ERCC5: variants seen among roughly 807,000 people sequenced by gnomAD.
ERCC5 encodes the protein DNA excision repair protein ERCC-5.
ERCC5 carries 68 observed loss-of-function variants against 105.6 expected under a neutral mutation model. The observed-to-expected ratio is 0.64, with a 90% confidence interval of 0.53 to 0.79. The LOEUF is 0.79. ERCC5 is among the 30% of genes least tolerant of loss of function. The pLI is 0.00. For synonymous variants in ERCC5, 546 were observed against 526.2 expected, an observed-to-expected ratio of 1.04 and a Z score of -0.51; for missense variants, 1,373 against 1,426.7, an observed-to-expected ratio of 0.96 and a Z score of 0.61.
intron 1 of ERCC5, chr13:102,849,315 T>C (rs1882105943): frequency 1.9e-6 from 1 of 518,836 alleles, no homozygotes; most frequent in African/African-American, 1.9e-5. Context: ...TTCATCAAAG[T>C]TATCCTTAAA....
Position 102,861,590 on chromosome 13 carries a change from G to A in ERCC5, c.756G>A (p.Lys252=). The A allele has an allele frequency of 1.2e-6, 2 of 1,614,100 alleles. No homozygotes were observed. The highest frequency in any genetic ancestry group is 1.7e-6 in the Non-Finnish European group (2 of 1,180,006). ...ACCAGCATATAGAACATGTCCAAAA[G>A]GAAATGAATCAGCAACATTCAGGAC... ...YLNQHIEHVQ[K]EMNQQHSGHI... Residue 252 remains lysine, a synonymous_variant, in exon 7 of 15, where the codon AAG becomes AAA. Transcript: ENST00000652225.
chr13:102,868,831 C>T (rs946138613), intron 12 of ERCC5, among the ~76,000 whole-genome samples: 6 of 152,224 alleles, frequency 3.9e-5, no homozygotes, highest in African/African-American at 1.4e-4. Flanking sequence ...TCGTGCTATA[C>T]TCGGGGTACA....
chr13:102,867,959 A>G (rs1882898839), intron 11 of ERCC5, among the ~76,000 whole-genome samples, 154 bp from the exon 12 acceptor site: 1 of 152,264 alleles, frequency 6.6e-6, no homozygotes, highest in Non-Finnish European at 1.5e-5. Context: ...ACAGAATGCC[A>G]TTGAATAAAA....
chr13:102,866,451 G>A (rs545704676), intron 10 of ERCC5, 70 bp downstream of exon 10: 2 of 1,613,250 alleles, frequency 1.2e-6, no homozygotes, highest in Non-Finnish European at 1.7e-6. Flanking sequence ...CTGCATGAAG[G>A]GGGTATGCAC....
Position 102,853,768 on chromosome 13 carries a change from G to C in ERCC5, c.276G>C (p.Arg92Ser), listed in dbSNP as rs1161770211. 2 of 1,613,984 alleles carry C rather than the reference G, an allele frequency of 1.2e-6. No homozygotes were observed. The highest frequency in any genetic ancestry group is 2.7e-5 in the African/African-American group (2 of 74,922). The change falls in exon 3 of 15, where the codon AGG (arginine) becomes AGC (serine). Residue 92 changes from arginine to serine, a missense_variant. Coordinates refer to ENST00000652225, the MANE Select transcript of ERCC5 (RefSeq NM_000123.4). ...LLKKQTLVKRRQRKDLASSDS... is the reference protein window; with the variant it reads ...LLKKQTLVKRSQRKDLASSDS... ...CTTTCTTCTCATAGGTGAAGAGAAG[G>C]CAGAGAAAGGACTTAGCGTCCAGTG...
intron 12 of ERCC5, among the ~76,000 whole-genome samples, chr13:102,869,905 A>C (rs1199610030): frequency 6.6e-6 from 1 of 152,176 alleles, no homozygotes. Context: ...TTTGTTCAGC[A>C]GTTTTTGCTC....
chr13:102,850,823 C>T (rs1882173435), intron 1 of ERCC5, among the ~76,000 whole-genome samples: 1 of 151,900 alleles, frequency 6.6e-6, no homozygotes, highest in South Asian at 2.1e-4. Context: ...GGAGTCAGGG[C>T]GTGGTGTATG....
intron 6 of ERCC5, among the ~76,000 whole-genome samples, chr13:102,860,361 C>T (rs745803605): frequency 2.0e-5 from 3 of 152,120 alleles, no homozygotes; most frequent in East Asian, 1.9e-4. Context: ...GTTTTGCTGC[C>T]GTACCATAAA....
chr13:102,846,186 G>T lies in ERCC5; in HGVS notation c.-81G>T. 1 of 1,190,548 alleles carries T rather than the reference G, an allele frequency of 8.4e-7. No homozygotes were observed. 73.7% of individuals were successfully genotyped at this position (1,190,548 alleles called of 1,614,324 possible). ...AGGAGCAGGGAGGGCTTCCTCCCGG[G>T]GTCCTAGGCGGCGGTGCAGTCCGTC... On this transcript the variant is annotated 5_prime_UTR_variant, in exon 1 of 15. Transcript: ENST00000652225.
chr13:102,856,818 G>A (rs1046498762), intron 5 of ERCC5, among the ~76,000 whole-genome samples: 1 of 152,208 alleles, frequency 6.6e-6, no homozygotes, highest in Admixed American at 6.5e-5. Flanking sequence ...GCCTCTCCAC[G>A]TGGCCTGGGC....
rs4150386 is a variant in ERCC5, at chr13:102,875,178, A to C, written c.2965-129A>C. The C allele has an allele frequency of 0.11, 114,108 of 1,077,046 alleles. 6,935 individuals are homozygous for C. Among genetic ancestry groups the C allele is most frequent in the Non-Finnish European group, 0.12 (93,036 of 753,138 alleles). 66.7% of individuals were successfully genotyped at this position (1,077,046 alleles called of 1,614,324 possible). A position where few individuals can be genotyped will look rare whatever the true frequency, so the allele number is the denominator to read the frequency against. On this transcript the variant is annotated intron_variant, in intron 14 of 14. Coordinates refer to ENST00000652225, the MANE Select transcript of ERCC5 (RefSeq NM_000123.4). ...CACTGGGAGAGAACTGGGTTTTGGG[A>C]GATAATGAATTAATATTCTCTGACA...
intron 6 of ERCC5, among the ~76,000 whole-genome samples, chr13:102,860,728 G>T (rs112717020): frequency 0.032 from 4,804 of 152,140 alleles, 256 homozygotes; most frequent in African/African-American, 0.11. Context: ...ATAAAATGAG[G>T]TATTATATGT....
chr13:102,849,934 T>C (rs1595375333), intron 1 of ERCC5, among the ~76,000 whole-genome samples: 1 of 82,918 alleles, frequency 1.2e-5, no homozygotes, highest in African/African-American at 5.3e-5. Flanking sequence ...TTTCTCTCTG[T>C]TTTTTTTTTC....
Position 102,862,589 on chromosome 13 carries a change from C to T in ERCC5, c.1440C>T (p.His480=), listed in dbSNP as rs4150316. The T allele has an allele frequency of 6.3e-3, 10,169 of 1,614,028 alleles. 516 individuals are homozygous for T. In the African/African-American group the frequency reaches 0.11, roughly 18 times the overall value. ...SVPKEQMSLV[H]VGTEAFPISD... is the part of the protein sequence containing the mutation. ...CAAAAGAACAAATGTCACTTGTTCA[C>T]GTGGGGACTGAAGCCTTTCCGATAA... Residue 480 remains histidine (H), a synonymous_variant, in exon 8 of 15, where the codon CAC becomes CAT. Transcript: ENST00000652225.
In ERCC5 at chr13:102,866,254, T is replaced by G. The variant is rs756047331; in HGVS notation, c.2200-8T>G. The G allele has an allele frequency of 3.1e-6, 5 of 1,613,786 alleles. No homozygotes were observed. Among genetic ancestry groups the G allele is most frequent in the Non-Finnish European group, 4.2e-6 (5 of 1,179,946 alleles). On this transcript the variant is annotated splice_polypyrimidine_tract_variant and splice_region_variant and intron_variant, in intron 9 of 14. Coordinates refer to ENST00000652225, the MANE Select transcript of ERCC5 (RefSeq NM_000123.4). ...ATATAAATCTATAAATGAAAAAACA[T>G]TTTATAGGAGGAGTTGGAAACTCTG...
At chr13:102,868,045 TAATAA>T (rs766311803) in intron 11 of ERCC5, 63 bp from the exon 12 acceptor site, 745 of 1,459,426 alleles carry the variant, frequency 5.1e-4, no homozygotes, top group Non-Finnish European at 6.5e-4. Flanking sequence ...ATGATTTATA[TAATAA>T]AATGTTTATA....
At chr13:102,859,122 A>G (rs4150300) in intron 6 of ERCC5, among the ~76,000 whole-genome samples, 9,476 of 152,214 alleles carry the variant, frequency 0.062, 976 homozygotes, top group African/African-American at 0.21. Flanking sequence ...TCATGTTACT[A>G]TTGATGACTC....
rs1476744803 is a variant in ERCC5, at chr13:102,866,719, A to G, written c.2407A>G (p.Thr803Ala). The G allele has an allele frequency of 3.7e-6, 6 of 1,614,268 alleles. No individual in the cohort carries two copies. In the African/African-American group the frequency reaches 6.7e-5, roughly 18 times the overall value. ...QCAILDLTDQ[T>A]SGTITDDSDI... ...CGCCATCCTGGACCTGACTGATCAG[A>G]CTTCCGGAACCATCACTGATGACAG... Residue 803 changes from threonine to alanine, a missense_variant, in exon 11 of 15, where the codon ACT becomes GCT. This residue lies in a region of ERCC5 where 1,004 missense variants were observed against 1,059.7 expected (regional missense o/e 0.95). Transcript: ENST00000652225.
intron 12 of ERCC5, among the ~76,000 whole-genome samples, chr13:102,869,607 A>G (rs1011401898): frequency 6.6e-6 from 1 of 152,146 alleles, no homozygotes; most frequent in African/African-American, 2.4e-5. Flanking sequence ...ACGATGATAT[A>G]GATTTATATC....
Sources: allele counts gnomAD v4.1 joint callset (sites outside exome capture counted in the v4.1 genomes callset), GRCh38; gene constraint gnomAD v4.1.1; regional missense constraint gnomAD v4.1.1; transcripts MANE v1.5; gene names NCBI Gene and HGNC (gene_info 2026-07-23, HGNC 2026-07-21).